PIEZO2: variants seen among roughly 807,000 people sequenced by gnomAD.
PIEZO2 encodes the protein piezo type mechanosensitive ion channel component 2.
In PIEZO2, 172 loss-of-function variants were observed where a neutral mutation model predicts 337.3. The observed-to-expected ratio is 0.51, with a 90% CI of 0.45 to 0.58. The LOEUF (loss-of-function observed/expected upper bound fraction) is 0.58. Ranked by LOEUF, PIEZO2 falls within the 20% of genes least tolerant of loss-of-function variation. PIEZO2 has a pLI of 0.00. For synonymous variants in PIEZO2, 1,251 were observed against 1,228.5 expected, an observed-to-expected ratio of 1.02 and a Z score of -0.38; for missense variants, 3,028 against 3,391.3, an observed-to-expected ratio of 0.89 and a Z score of 2.66.
chr18:10,933,443 A>T (rs1467467407), intron 3 of PIEZO2, among the ~76,000 whole-genome samples: 1 of 151,856 alleles, frequency 6.6e-6, no homozygotes, highest in Non-Finnish European at 1.5e-5. Context: ...GTTACTTGTT[A>T]TTTGCCTTTT....
intron 1 of PIEZO2, among the ~76,000 whole-genome samples, chr18:11,142,949 C>G (rs1183281010): frequency 3.9e-5 from 6 of 151,952 alleles, no homozygotes; most frequent in South Asian, 2.1e-4. Flanking sequence ...TGTGGTGGCA[C>G]GCACCTGTAG....
At position 10,934,677 on chromosome 18, in the gene PIEZO2, G is replaced by GTT. The variant is rs2032285569; in HGVS notation, c.287-23450_287-23449insAA. Among the ~76,000 whole-genome samples, 12 of 149,206 alleles carry GTT rather than the reference G, an allele frequency of 8.0e-5. No individual in the cohort carries two copies. The South Asian group carries it at 2.5e-3, about 31-fold the overall frequency. The stretch of plus-strand genomic sequence containing the variant: ...TGTGTGTGTGTGTGTGTGTGTGTGT[G>GTT]TGTGTTGGGCTCCTTGGGCAGAGCC... On this transcript the variant is annotated intron_variant, in intron 3 of 55. Transcript: ENST00000674853.
In PIEZO2 at chr18:10,942,752, G is replaced by GA. The variant is rs1375646293; in HGVS notation, c.287-31525dup. ...CAAATATTAATCCCCAAGACAATGGGAAAAATGTCTCCAGGGCATGTCAGA... is the reference window on the plus strand; with the variant it reads ...CAAATATTAATCCCCAAGACAATGGGAAAAAATGTCTCCAGGGCATGTCAGA... On this transcript the variant is annotated intron_variant, in intron 3 of 55. Transcript: ENST00000674853. The surrounding 1 kb of genome is among the most constrained non-coding windows in gnomAD (Gnocchi z 4.4). 6.6e-6 allele frequency among the ~76,000 whole-genome samples: 1 copy of GA among 152,180 alleles called. No homozygotes were observed. The highest frequency in any genetic ancestry group is 1.5e-5 in the Non-Finnish European group (1 of 68,032).
chr18:11,004,295 C>A (rs1317145792), intron 2 of PIEZO2, among the ~76,000 whole-genome samples: 27 of 152,154 alleles, frequency 1.8e-4, no homozygotes, highest in Admixed American at 1.7e-3. Flanking sequence ...ATTTACCAGA[C>A]ACAACTTCCA....
Position 10,778,961 on chromosome 18 carries a change from G to C in PIEZO2, c.2534+1364C>G, listed in dbSNP as rs542469350. Among the ~76,000 whole-genome samples the C allele has an allele frequency of 4.5e-4, 68 of 152,328 alleles. 1 individual carries two copies. Among genetic ancestry groups the C allele is most frequent in the African/African-American group, 1.5e-3 (62 of 41,570 alleles). ...GCTTCATAAGAAACACAGAGAAAAA[G>C]AGAGTGAGGAGTTCCTTATGTTTGG... On this transcript the variant is annotated intron_variant, in intron 18 of 55. Transcript: ENST00000674853.
At chr18:10,960,457 C>A (rs1598747706) in intron 3 of PIEZO2, among the ~76,000 whole-genome samples, 1 of 152,012 alleles carries the variant, frequency 6.6e-6, no homozygotes, top group Admixed American at 6.5e-5. Context: ...GATACCCAAT[C>A]CCCTCAAAAG....
chr18:10,766,584 G>A lies in PIEZO2; in HGVS notation c.2947-3486C>T, dbSNP rs2038367845. 6.6e-6 allele frequency among the ~76,000 whole-genome samples: 1 copy of A among 152,174 alleles called. No homozygotes were observed. The highest frequency in any genetic ancestry group is 1.5e-5 in the Non-Finnish European group (1 of 68,022). On this transcript the variant is annotated intron_variant, in intron 21 of 55. Transcript: ENST00000674853. This position sits in a 1 kb window ranked among gnomAD's most constrained non-coding sequence, Gnocchi z 6.1. ...CCCTGCCTCAAGGGAAGGGGCCTCT[G>A]AGAACCAAAGCCTCCTGGGCCCTGC...
intron 33 of PIEZO2, chr18:10,738,285 A>G (rs986061992): frequency 6.6e-6 from 1 of 152,222 alleles, no homozygotes; most frequent in Non-Finnish European, 1.5e-5. Flanking sequence ...ACAGACTATT[A>G]TAAGATCGAG....
At chr18:10,967,087 G>A (rs1231224227) in intron 3 of PIEZO2, among the ~76,000 whole-genome samples, 5 of 139,870 alleles carry the variant, frequency 3.6e-5, no homozygotes, top group South Asian at 2.2e-4. Context: ...GTGAGATCTC[G>A]GCTCACTGCA....
At position 10,789,239 on chromosome 18, in the gene PIEZO2, T is replaced by C; in HGVS notation, c.2009A>G (p.Asp670Gly). The C allele has an allele frequency of 6.5e-7, 1 of 1,537,336 alleles. No homozygotes were observed. The highest frequency in any genetic ancestry group is 8.7e-7 in the Non-Finnish European group (1 of 1,146,930). The change falls in exon 15 of 56, where the codon GAC (aspartate) becomes GGC (glycine). Residue 670 changes from aspartate (D) to glycine (G), a missense_variant. Asp to Gly is a moderately conservative substitution (Grantham distance 94). Around this residue, in one of 5 missense-constraint regions of PIEZO2, gnomAD observed 1,925 missense variants for 2,051.9 expected, o/e 0.94. Transcript: ENST00000674853. ...QEEAEEEDEQ[D>G]IMKVLGNLVV... The stretch of plus-strand genomic sequence containing the variant: ...CAGATTGCCCAGGACTTTCATGATG[T>C]CCTGCTCATCTTCTTCTTCAGCTTC...
intron 1 of PIEZO2, among the ~76,000 whole-genome samples, chr18:11,135,913 T>G (rs76513803): frequency 0.079 from 12,078 of 152,264 alleles, 498 homozygotes; most frequent in Non-Finnish European, 0.098. Context: ...TTGCAAATCT[T>G]GAGTATGGAT....
In PIEZO2 at chr18:10,784,722, A is replaced by G; in HGVS notation, c.2492+62T>C. The G allele has an allele frequency of 7.6e-7, 1 of 1,321,826 alleles. No homozygotes were observed. The highest frequency in any genetic ancestry group is 1.6e-5 in the South Asian group (1 of 62,410). The allele number at this position is 1,321,826 out of a possible 1,614,324, so 81.9% of individuals were successfully genotyped here. On this transcript the variant is annotated intron_variant, in intron 17 of 55. Transcript: ENST00000674853. The surrounding 1 kb of genome is among the most constrained non-coding windows in gnomAD (Gnocchi z 4.5). ...GGCTTCTCGCAAGGTGGCCAACCTAAGGTAGGGTTGAAGAGCTGCCTTCCT... is the reference window on the plus strand; with the variant it reads ...GGCTTCTCGCAAGGTGGCCAACCTAGGGTAGGGTTGAAGAGCTGCCTTCCT...
chr18:11,021,639 C>G lies in PIEZO2; in HGVS notation c.161-41979G>C, dbSNP rs1281405888. On this transcript the variant is annotated intron_variant, in intron 2 of 55. Transcript: ENST00000674853. The surrounding 1 kb of genome is among the most constrained non-coding windows in gnomAD (Gnocchi z 4.7). ...CTGGGGGACTTTGAGTCTCACGGAT[C>G]TGGTGATCCAGCACACAGCTCGTGC... Among the ~76,000 whole-genome samples the G allele has an allele frequency of 6.6e-6, 1 of 152,220 alleles. No homozygotes were observed. The highest frequency in any genetic ancestry group is 1.5e-5 in the Non-Finnish European group (1 of 68,042).
intron 48 of PIEZO2, among the ~76,000 whole-genome samples, chr18:10,691,006 G>T (rs1465426402): frequency 2.0e-5 from 3 of 152,120 alleles, no homozygotes; most frequent in Admixed American, 6.5e-5. Context: ...TAACCCACGT[G>T]GATGAATGTA....
chr18:10,716,808 G>A lies in PIEZO2; in HGVS notation c.5090-992C>T, dbSNP rs1237821812. 6.6e-6 allele frequency among the ~76,000 whole-genome samples: 1 copy of A among 151,704 alleles called. No homozygotes were observed. The highest frequency in any genetic ancestry group is 1.5e-5 in the Non-Finnish European group (1 of 68,038). ...TTACACCCATCAATGAACTTTAGGA[G>A]CTCCTTATATTTTCGACATGTATTT... On this transcript the variant is annotated intron_variant, in intron 37 of 55. Transcript: ENST00000674853. This position sits in a 1 kb window ranked among gnomAD's most constrained non-coding sequence, Gnocchi z 4.1.
At position 10,773,715 on chromosome 18, in the gene PIEZO2, A is replaced by T. The variant is rs1371358766; in HGVS notation, c.2568-86T>A. 1 of 1,285,458 alleles carries T rather than the reference A, an allele frequency of 7.8e-7. No individual in the cohort carries two copies. The highest frequency in any genetic ancestry group is 1.1e-6 in the Non-Finnish European group (1 of 924,188). 79.6% of individuals were successfully genotyped at this position (1,285,458 alleles called of 1,614,324 possible). A position where few individuals can be genotyped will look rare whatever the true frequency, so the allele number is the denominator to read the frequency against. On this transcript the variant is annotated intron_variant, in intron 19 of 55. Transcript: ENST00000674853. This position sits in a 1 kb window ranked among gnomAD's most constrained non-coding sequence, Gnocchi z 5.3. Reference sequence around the variant, plus strand: ...GGGCAAGTAAAAGGAGGATAAACACAAATGAAATCAGTGCATGTACAAAGA... The same window carrying T: ...GGGCAAGTAAAAGGAGGATAAACACTAATGAAATCAGTGCATGTACAAAGA...
chr18:10,883,566 A>G (rs931137959), intron 4 of PIEZO2, among the ~76,000 whole-genome samples: 1 of 152,210 alleles, frequency 6.6e-6, no homozygotes, highest in Non-Finnish European at 1.5e-5. Context: ...AAATCAAGTG[A>G]GTCAACACAG....
At chr18:11,036,859 A>G (rs1171800233) in intron 2 of PIEZO2, among the ~76,000 whole-genome samples, 2 of 152,212 alleles carry the variant, frequency 1.3e-5, no homozygotes, top group Non-Finnish European at 1.5e-5. Flanking sequence ...TGTGATTGAG[A>G]GTGATGTGTT....
In PIEZO2 at chr18:10,784,799, T is replaced by C; in HGVS notation, c.2477A>G (p.Asp826Gly). 2.0e-6 allele frequency: 3 copies of C among 1,536,966 alleles called. No homozygotes were observed. The South Asian group carries it at 3.6e-5, about 18-fold the overall frequency. The change falls in exon 17 of 56, where the codon GAC becomes GGC. Residue 826 changes from aspartate (D) to glycine (G), a missense_variant. Physicochemically the swap from Asp to Gly is moderately conservative, Grantham distance 94 (BLOSUM62 -1). Around this residue, in one of 5 missense-constraint regions of PIEZO2, gnomAD observed 1,925 missense variants for 2,051.9 expected, o/e 0.94. Coordinates refer to ENST00000674853, the MANE Select transcript of PIEZO2 (RefSeq NM_001378183.1). This position sits in a 1 kb window ranked among gnomAD's most constrained non-coding sequence, Gnocchi z 4.5. ...TDLKSIPSKE[D>G]NTIYSHAKVN... ...AGTGGCTCACCTGTAGATGGTGTTGTCTTCTTTGCTGGGAATGGACTTGAG... is the reference window on the plus strand; with the variant it reads ...AGTGGCTCACCTGTAGATGGTGTTGCCTTCTTTGCTGGGAATGGACTTGAG...
Sources: allele counts gnomAD v4.1 joint callset (sites outside exome capture counted in the v4.1 genomes callset), GRCh38; gene constraint gnomAD v4.1.1; regional missense constraint gnomAD v4.1.1; non-coding constraint Gnocchi (gnomAD v3.1); transcripts MANE v1.5; gene names NCBI Gene and HGNC (gene_info 2026-07-23, HGNC 2026-07-21).